Variants in CLEC17A observed in about 807,000 individuals in gnomAD.
CLEC17A encodes the protein C-type lectin domain family 17, member A.
In CLEC17A, 37 loss-of-function variants were observed where a neutral mutation model predicts 61.3. The ratio of observed to expected loss-of-function variants is 0.60; its 90% CI spans 0.46 to 0.79. CLEC17A has a LOEUF of 0.79. Among genes scored for constraint, CLEC17A ranks in the 30% least tolerant of loss-of-function variants. CLEC17A has a pLI of 0.00. For synonymous variants in CLEC17A, 168 were observed against 164.9 expected (o/e 1.02, Z -0.14); for missense variants, 418 against 464.7 (o/e 0.90, Z 0.92).
At chr19:14,590,060 T>C (rs1303400526) in intron 3 of CLEC17A, among the ~76,000 whole-genome samples, 1 of 142,948 alleles carries the variant, frequency 7.0e-6, no homozygotes, top group Non-Finnish European at 1.5e-5. Context: ...ACTACCCAGC[T>C]AAGCTGCTCT....
At chr19:14,581,621 C>A (rs751387556), upstream of CLEC17A, among the ~76,000 whole-genome samples, 1 of 150,236 alleles carries the variant, frequency 6.7e-6, no homozygotes, top group African/African-American at 2.5e-5. Flanking sequence ...CGTGAGCCAC[C>A]GCGCCTGGCC....
At chr19:14,588,571 A>G (rs1023745668) in intron 3 of CLEC17A, 3 of 151,988 alleles carry the variant, frequency 2.0e-5, no homozygotes, top group African/African-American at 7.3e-5. Context: ...GAGCCACTCG[A>G]CACCCCCGAG....
At chr19:14,586,664 C>A (rs1314579886) in intron 2 of CLEC17A, among the ~76,000 whole-genome samples, 1 of 149,672 alleles carries the variant, frequency 6.7e-6, no homozygotes, top group Non-Finnish European at 1.5e-5. Flanking sequence ...TGGCCTCAAG[C>A]GATCCTCCTG....
chr19:14,609,992 T>C, intron 13 of CLEC17A, 72 bp from the exon 14 acceptor site: 4 of 1,120,496 alleles, frequency 3.6e-6, no homozygotes, highest in Non-Finnish European at 5.4e-6. Context: ...TATTCATCAT[T>C]ACAGTATTAT....
chr19:14,593,611 A>G (rs2074473994), intron 4 of CLEC17A, among the ~76,000 whole-genome samples: 1 of 152,080 alleles, frequency 6.6e-6, no homozygotes, highest in African/African-American at 2.4e-5. Flanking sequence ...GCAGTGAGCT[A>G]TGATGGCACC....
intron 12 of CLEC17A, among the ~76,000 whole-genome samples, chr19:14,601,693 G>A (rs527924963): frequency 3.3e-5 from 5 of 152,144 alleles, no homozygotes; most frequent in South Asian, 2.1e-4. Flanking sequence ...ATCATAGCTC[G>A]TTGCAGCCTC....
chr19:14,607,073 G>A lies in CLEC17A; in HGVS notation c.975G>A (p.Arg325=). ...LNDRAQEGDW[R]WLDGSPVTLS... ...ACAGGGCCCAGGAAGGGGACTGGAG[G>A]TGGCTGGATGGGTCTCCTGTGACAT... Residue 325 remains arginine, a synonymous_variant, in exon 13 of 14, where the codon AGG becomes AGA. Transcript: ENST00000417570. 1.5e-6 allele frequency: 2 copies of A among 1,336,628 alleles called. No homozygotes were observed. The highest frequency in any genetic ancestry group is 1.9e-5 in the South Asian group (1 of 51,430). The allele number at this position is 1,336,628 out of a possible 1,614,324, so 82.8% of individuals were successfully genotyped here. A position where few individuals can be genotyped will look rare whatever the true frequency, so the allele number is the denominator to read the frequency against.
At chr19:14,594,711 C>T in intron 6 of CLEC17A, 29 bp downstream of exon 6, 1 of 1,613,994 alleles carries the variant, frequency 6.2e-7, no homozygotes, top group Non-Finnish European at 8.5e-7. Context: ...AGTCTTCCTG[C>T]TCACCTGGCT....
At chr19:14,582,967 G>A, upstream of CLEC17A, 1 of 201,070 alleles carries the variant, frequency 5.0e-6, no homozygotes, top group South Asian at 9.3e-5. Flanking sequence ...CTGTGTGTAT[G>A]TGTGTGTGTG....
intron 12 of CLEC17A, among the ~76,000 whole-genome samples, chr19:14,604,259 C>T (rs577052436): frequency 5.5e-4 from 84 of 152,166 alleles, no homozygotes; most frequent in African/African-American, 2.0e-3. Context: ...GGGTTTTTAC[C>T]ATCACCTGAA....
chr19:14,590,600 T>A (rs1347111931), intron 3 of CLEC17A, among the ~76,000 whole-genome samples: 1 of 152,142 alleles, frequency 6.6e-6, no homozygotes, highest in Non-Finnish European at 1.5e-5. Flanking sequence ...TTGCTCAGGC[T>A]GGTCTCGAAC....
Position 14,610,712 on chromosome 19 carries a change from A to C in CLEC17A, c.*516A>C, listed in dbSNP as rs2075023560. 1 of 155,808 alleles carries C rather than the reference A, an allele frequency of 6.4e-6. No homozygotes were observed. The highest frequency in any genetic ancestry group is 1.9e-4 in the South Asian group (1 of 5,210). 9.7% of individuals were successfully genotyped at this position (155,808 alleles called of 1,614,324 possible). A position where few individuals can be genotyped will look rare whatever the true frequency, so the allele number is the denominator to read the frequency against. ...TTTTTTGTAGCATTTAAAGAGAGGG[A>C]GTCTCACTATGTTGCCCAGGCCAGT... On this transcript the variant is annotated 3_prime_UTR_variant, in exon 14 of 14. Transcript: ENST00000417570.
chr19:14,608,951 C>T (rs920844690), intron 13 of CLEC17A, among the ~76,000 whole-genome samples: 1 of 152,032 alleles, frequency 6.6e-6, no homozygotes, highest in African/African-American at 2.4e-5. Flanking sequence ...AGGCGCCCGC[C>T]ACCATGCTTG....
chr19:14,600,830 C>T (rs2074688746), intron 12 of CLEC17A, among the ~76,000 whole-genome samples: 1 of 148,966 alleles, frequency 6.7e-6, no homozygotes, highest in African/African-American at 2.5e-5. Context: ...ACCTCGTGAT[C>T]TGCCCGCCTC....
intron 2 of CLEC17A, among the ~76,000 whole-genome samples, chr19:14,586,382 C>T (rs2146665993): frequency 6.6e-6 from 1 of 152,194 alleles, no homozygotes; most frequent in East Asian, 1.9e-4. Flanking sequence ...CCTTGGCCTC[C>T]CAAAGTGCTG....
chr19:14,597,877 C>A (rs904111048), intron 10 of CLEC17A, among the ~76,000 whole-genome samples: 1 of 152,130 alleles, frequency 6.6e-6, no homozygotes, highest in Non-Finnish European at 1.5e-5. Flanking sequence ...GTGTTTCGTG[C>A]CTGGCCTAAA....
At chr19:14,582,215 A>ATT (rs35401111), upstream of CLEC17A, among the ~76,000 whole-genome samples, 257 of 139,218 alleles carry the variant, frequency 1.8e-3, 2 homozygotes, top group African/African-American at 5.9e-3. Flanking sequence ...TTGTAATGCC[A>ATT]TTTTTTTTTT....
intron 10 of CLEC17A, among the ~76,000 whole-genome samples, chr19:14,599,078 G>GTTTT (rs2074632965): frequency 4.1e-5 from 3 of 73,574 alleles, no homozygotes; most frequent in Non-Finnish European, 5.5e-5. Flanking sequence ...CTGTATCTTT[G>GTTTT]CTTTTTTTTT....
At position 14,610,349 on chromosome 19, in the gene CLEC17A, T is replaced by C. The variant is rs1304363189; in HGVS notation, c.*153T>C. The C allele has an allele frequency of 3.8e-6, 4 of 1,064,634 alleles. No individual in the cohort carries two copies. The highest frequency in any genetic ancestry group is 5.2e-5 in the East Asian group (2 of 38,150). 65.9% of individuals were successfully genotyped at this position (1,064,634 alleles called of 1,614,324 possible). On this transcript the variant is annotated 3_prime_UTR_variant, in exon 14 of 14. Transcript: ENST00000417570. ...CCTGGATGCAGCAAGTTCCCAGGGGTGCAAGTCAGGCTGTTTCTAGAGTGA... is the reference window on the plus strand; with the variant it reads ...CCTGGATGCAGCAAGTTCCCAGGGGCGCAAGTCAGGCTGTTTCTAGAGTGA...
Sources: gnomAD v4.1 joint callset for allele counts (sites outside exome capture counted in the v4.1 genomes callset) on GRCh38, gnomAD v4.1.1 for gene constraint, MANE v1.5 for transcripts, NCBI Gene and HGNC (gene_info 2026-07-23, HGNC 2026-07-21) for gene names.